Variants in ZC3H18 observed in about 807,000 individuals in gnomAD.
ZC3H18 encodes the protein zinc finger CCCH-type containing 18, also known as zinc finger CCCH domain-containing protein 18.
In ZC3H18, 8 loss-of-function variants were observed where a neutral mutation model predicts 106.1. The observed-to-expected ratio is 0.08, with a 90% CI of 0.04 to 0.14. The LOEUF (loss-of-function observed/expected upper bound fraction) is 0.14. Among genes scored for constraint, ZC3H18 ranks in the 10% least tolerant of loss-of-function variants. ZC3H18 has a pLI of 1.00. For missense variants in ZC3H18, 1,318 were observed against 1,278.4 expected, an observed-to-expected ratio of 1.03 and a Z score of -0.47; for synonymous variants, 635 against 522.1, an observed-to-expected ratio of 1.22 and a Z score of -2.95.
intron 6 of ZC3H18, among the ~76,000 whole-genome samples, chr16:88,605,891 C>T (rs1252360295): frequency 2.6e-5 from 4 of 152,252 alleles, no homozygotes; most frequent in Non-Finnish European, 5.9e-5. Flanking sequence ...GCCAGGACCT[C>T]GGGTTCTCCT....
At chr16:88,624,432 A>T in intron 11 of ZC3H18, 170 bp from the exon 12 acceptor site, 3 of 1,100,944 alleles carry the variant, frequency 2.7e-6, no homozygotes, top group Non-Finnish European at 3.9e-6. Context: ...AGCCGTTCCC[A>T]AGCACTCTGA....
At chr16:88,578,599 T>C (rs1006557011) in intron 2 of ZC3H18, among the ~76,000 whole-genome samples, 5 of 150,950 alleles carry the variant, frequency 3.3e-5, no homozygotes, top group African/African-American at 1.2e-4. Flanking sequence ...CGGTGAAGAG[T>C]GTCTGCCGAG....
rs369591276 is a variant in ZC3H18, at chr16:88,628,026, G to C, written c.2376G>C (p.Gln792His). The C allele has an allele frequency of 5.0e-6, 8 of 1,614,044 alleles. No individual in the cohort carries two copies. The highest frequency in any genetic ancestry group is 5.9e-6 in the Non-Finnish European group (7 of 1,180,048). ...AKPPAGGKSS[Q>H]QPSTPQQAPP... ...CTCCAGCAGGGGGGAAGTCCTCCCA[G>C]CAGCCCTCGACACCCCAGCAGGCAC... The change falls in exon 15 of 18, where the codon CAG becomes CAC. Residue 792 changes from glutamine (Q) to histidine (H), a missense_variant. Physicochemically the swap from Gln to His is conservative, Grantham distance 24. Transcript: ENST00000301011.
At position 88,631,086 on chromosome 16, in the gene ZC3H18, C is replaced by T. The variant is rs368138702; in HGVS notation, c.2664-15C>T. 3.1e-4 allele frequency: 492 copies of T among 1,610,918 alleles called. 1 individual carries two copies. Among genetic ancestry groups the T allele is most frequent in the Non-Finnish European group, 3.8e-4 (445 of 1,179,954 alleles). ...TGGCTTCTGGGGGCTCAAGGTCTTC[C>T]CCACCCCCTTGTAGGAAGCGCCAGC... On this transcript the variant is annotated splice_polypyrimidine_tract_variant and intron_variant, in intron 17 of 17. Coordinates refer to ENST00000301011, the MANE Select transcript of ZC3H18 (RefSeq NM_144604.4).
rs1309110508 is a variant in ZC3H18 at position 88,574,154 on chromosome 16, C to T, written c.-14-2956C>T. Among the ~76,000 whole-genome samples the T allele has an allele frequency of 3.9e-5, 6 of 152,124 alleles. No individual in the cohort carries two copies. In the East Asian group the frequency reaches 5.8e-4, roughly 15 times the overall value. Reference sequence around the variant, plus strand: ...TCTTCCAAAGTGCTGGGATTACAGGCGTGAGCCACCACCCTTGGCCCATTT... The same window carrying T: ...TCTTCCAAAGTGCTGGGATTACAGGTGTGAGCCACCACCCTTGGCCCATTT... On this transcript the variant is annotated intron_variant, in intron 1 of 17. Transcript: ENST00000301011.
intron 8 of ZC3H18, among the ~76,000 whole-genome samples, chr16:88,621,311 A>G (rs1356477701): frequency 6.6e-5 from 9 of 137,194 alleles, no homozygotes; most frequent in Admixed American, 3.7e-4. Context: ...TGCAAGCTCC[A>G]CCTCCCGGGT....
At chr16:88,612,573 A>T (rs1182608739) in intron 8 of ZC3H18, among the ~76,000 whole-genome samples, 7 of 151,502 alleles carry the variant, frequency 4.6e-5, no homozygotes. Flanking sequence ...GCTACTCGGG[A>T]GGCCAAGGCA....
intron 7 of ZC3H18, among the ~76,000 whole-genome samples, chr16:88,610,711 G>A (rs1215007498): frequency 1.3e-5 from 2 of 152,226 alleles, no homozygotes; most frequent in African/African-American, 4.8e-5. Context: ...AAGGGCATCC[G>A]AGGATTGTAC....
At chr16:88,586,767 C>A in intron 3 of ZC3H18, 83 bp downstream of exon 3, 1 of 1,095,028 alleles carries the variant, frequency 9.1e-7, no homozygotes, top group Non-Finnish European at 1.4e-6. Flanking sequence ...CCTTGCCAGG[C>A]CCTGCTCTGC....
At chr16:88,608,708 A>C (rs1411027767) in intron 6 of ZC3H18, 1 of 313,490 alleles carries the variant, frequency 3.2e-6, no homozygotes, top group Non-Finnish European at 6.0e-6. Flanking sequence ...AAGGCTATTG[A>C]ATTTTTGTTA....
rs1906690223 is a variant in ZC3H18, at chr16:88,631,511, C to G, written c.*212C>G. ...CAGAGCAGAAGTCCCGCAGGACAGACAGACACAGACAGCGCTAGTGACCAG... is the reference window on the plus strand; with the variant it reads ...CAGAGCAGAAGTCCCGCAGGACAGAGAGACACAGACAGCGCTAGTGACCAG... On this transcript the variant is annotated 3_prime_UTR_variant, in exon 18 of 18. Coordinates refer to ENST00000301011, the MANE Select transcript of ZC3H18 (RefSeq NM_144604.4). The G allele has an allele frequency of 1.5e-6, 1 of 685,594 alleles. No individual in the cohort carries two copies. Among genetic ancestry groups the G allele is most frequent in the East Asian group, 2.9e-5 (1 of 34,272 alleles). 42.5% of individuals were successfully genotyped at this position (685,594 alleles called of 1,614,324 possible).
In ZC3H18 at chr16:88,597,593, C is replaced by A. The variant is rs926955062; in HGVS notation, c.689-585C>A. On this transcript the variant is annotated intron_variant, in intron 3 of 17. Coordinates refer to ENST00000301011, the MANE Select transcript of ZC3H18 (RefSeq NM_144604.4). ...GGTCTCCTTTACTAACCCGGATATT[C>A]TGTTGAAGATGAAGGTTTGTGATTG... is the stretch of plus-strand genomic sequence containing the variant. 2.0e-5 allele frequency among the ~76,000 whole-genome samples: 3 copies of A among 152,170 alleles called. No homozygotes were observed. The East Asian group carries it at 5.8e-4, about 29-fold the overall frequency.
At position 88,631,540 on chromosome 16, in the gene ZC3H18, G is replaced by C. The variant is rs75474619; in HGVS notation, c.*241G>C. On this transcript the variant is annotated 3_prime_UTR_variant, in exon 18 of 18. Transcript: ENST00000301011. ...CACAGACAGCGCTAGTGACCAGCAC[G>C]GTTCTCATGTAAATTACAAGCCCCA... 1.6e-6 allele frequency: 1 copy of C among 624,718 alleles called. No homozygotes were observed. The highest frequency in any genetic ancestry group is 2.9e-6 in the Non-Finnish European group (1 of 340,110). The allele number at this position is 624,718 out of a possible 1,614,324, so 38.7% of individuals were successfully genotyped here.
chr16:88,594,746 A>G (rs1904340653), intron 3 of ZC3H18, among the ~76,000 whole-genome samples: 1 of 152,200 alleles, frequency 6.6e-6, no homozygotes, highest in South Asian at 2.1e-4. Flanking sequence ...TTCACAGTGT[A>G]CCTTTTAGAG....
rs115954684 is a variant in ZC3H18, at chr16:88,607,321, G to A, written c.1089-1613G>A. Among the ~76,000 whole-genome samples, 715 of 152,298 alleles carry A rather than the reference G, an allele frequency of 4.7e-3. 4 individuals are homozygous for A. Among genetic ancestry groups the A allele is most frequent in the African/African-American group, 0.016 (666 of 41,566 alleles). Reference sequence around the variant, plus strand: ...TAATGTCTCAGAGGGCGTGTCTGGCGTGTCTTTTCATTTCCAGGGTTTTCT... The same window carrying A: ...TAATGTCTCAGAGGGCGTGTCTGGCATGTCTTTTCATTTCCAGGGTTTTCT... On this transcript the variant is annotated intron_variant, in intron 6 of 17. Coordinates refer to ENST00000301011, the MANE Select transcript of ZC3H18 (RefSeq NM_144604.4).
At chr16:88,628,689 C>T (rs921295147) in intron 15 of ZC3H18, 69 bp from the exon 16 acceptor site, 16 of 1,555,914 alleles carry the variant, frequency 1.0e-5, no homozygotes, top group African/African-American at 1.4e-5. Context: ...GAACCCATGT[C>T]CTCTGGGGCG....
In ZC3H18 at chr16:88,577,413, G is replaced by T; in HGVS notation, c.290G>T (p.Cys97Phe). The T allele has an allele frequency of 6.2e-7, 1 of 1,602,506 alleles. No individual in the cohort carries two copies. The highest frequency in any genetic ancestry group is 8.5e-7 in the Non-Finnish European group (1 of 1,172,966). Residue 97 changes from cysteine (C) to phenylalanine (F), a missense_variant, in exon 2 of 18, where the codon TGC (cysteine) becomes TTC (phenylalanine). Coordinates refer to ENST00000301011, the MANE Select transcript of ZC3H18 (RefSeq NM_144604.4). ...ELSRGPTSSPCEEEGDEGEED... is the reference protein window; with the variant it reads ...ELSRGPTSSPFEEEGDEGEED... Reference sequence around the variant, plus strand: ...AGCCGGGGCCCGACCAGCTCCCCCTGCGAGGAGGAGGGGGACGAAGGGGAG... The same window carrying T: ...AGCCGGGGCCCGACCAGCTCCCCCTTCGAGGAGGAGGGGGACGAAGGGGAG...
At chr16:88,625,299 C>T (rs770158848) in intron 13 of ZC3H18, 32 bp downstream of exon 13, 14 of 1,563,172 alleles carry the variant, frequency 9.0e-6, no homozygotes, top group Middle Eastern at 1.7e-4. Flanking sequence ...CTCTGTTTCT[C>T]CCTCCCCGTC....
At chr16:88,619,257 G>A (rs898756477) in intron 8 of ZC3H18, among the ~76,000 whole-genome samples, 6 of 152,180 alleles carry the variant, frequency 3.9e-5, no homozygotes, top group South Asian at 2.1e-4. Flanking sequence ...CTGGGCAACA[G>A]AGCGAGGCTC....
Sources: allele counts gnomAD v4.1 joint callset (sites outside exome capture counted in the v4.1 genomes callset), GRCh38; gene constraint gnomAD v4.1.1; transcripts MANE v1.5; gene names NCBI Gene and HGNC (gene_info 2026-07-23, HGNC 2026-07-21).